CWC27: variants seen among roughly 807,000 people sequenced by gnomAD.
The protein encoded by CWC27 is spliceosome-associated protein CWC27 homolog.
CWC27 carries 47 observed loss-of-function variants against 63.6 expected under a neutral mutation model. The ratio of observed to expected loss-of-function variants is 0.74; its 90% CI spans 0.58 to 0.94. CWC27 has a LOEUF of 0.94. Ranked by LOEUF, CWC27 falls within the 40% of genes least tolerant of loss-of-function variation. CWC27 has a pLI of 0.00. For synonymous variants in CWC27, 175 were observed against 179.8 expected (o/e 0.97, Z 0.22); for missense variants, 495 against 554.3 (o/e 0.89, Z 1.07).
chr5:64,774,892 T>C, intron 2 of CWC27, 105 bp downstream of exon 2: 1 of 647,262 alleles, frequency 1.5e-6, no homozygotes, highest in Non-Finnish European at 2.7e-6. Context: ...TGGTCATGAA[T>C]GACAGGTGTT....
chr5:64,922,634 A>G (rs1433733133), intron 11 of CWC27, among the ~76,000 whole-genome samples: 2 of 152,176 alleles, frequency 1.3e-5, no homozygotes, highest in African/African-American at 2.4e-5. Flanking sequence ...AGCCATTTCA[A>G]TCTGGTTCAA....
intron 11 of CWC27, among the ~76,000 whole-genome samples, chr5:64,956,863 G>A (rs1044550822): frequency 6.6e-6 from 1 of 152,074 alleles, no homozygotes; most frequent in Non-Finnish European, 1.5e-5. Flanking sequence ...GCATGAAATA[G>A]GGATAATAAT....
intron 13 of CWC27, among the ~76,000 whole-genome samples, chr5:64,996,946 T>G (rs1431455603): frequency 6.6e-6 from 1 of 152,130 alleles, no homozygotes; most frequent in East Asian, 1.9e-4. Flanking sequence ...GTTGGTGTTG[T>G]TGTTGTTTTA....
rs746435123 is a variant in CWC27, at chr5:64,841,473, C to T, written c.938+37087C>T. 1.3e-5 allele frequency among the ~76,000 whole-genome samples: 2 copies of T among 152,284 alleles called. 1 individual carries two copies. ...AACATAGCACTGTTCTAGATTCCCT[C>T]TCTCAGTGAATATACCCTTACCCAC... is the stretch of plus-strand genomic sequence containing the variant. On this transcript the variant is annotated intron_variant, in intron 10 of 13. Transcript: ENST00000381070.
At chr5:64,871,351 A>C (rs1408193994) in intron 10 of CWC27, among the ~76,000 whole-genome samples, 2 of 152,126 alleles carry the variant, frequency 1.3e-5, no homozygotes, top group African/African-American at 2.4e-5. Context: ...ATCAGTATTG[A>C]GAGTCCAGTA....
Position 64,923,714 on chromosome 5 carries a change from G to A in CWC27, c.1042+38168G>A, listed in dbSNP as rs533735032. ...TTTACTGAGTTTTGAAAAGACTTCCGTGAGGTCACTTCTTTACAAATATTT... is the reference window on the plus strand; with the variant it reads ...TTTACTGAGTTTTGAAAAGACTTCCATGAGGTCACTTCTTTACAAATATTT... On this transcript the variant is annotated intron_variant, in intron 11 of 13. Coordinates refer to ENST00000381070, the MANE Select transcript of CWC27 (RefSeq NM_005869.4). Among the ~76,000 whole-genome samples, 4 of 150,346 alleles carry A rather than the reference G, an allele frequency of 2.7e-5. No individual in the cohort carries two copies. In the East Asian group the frequency reaches 5.9e-4, roughly 22 times the overall value.
chr5:64,855,418 G>C (rs527642940), intron 10 of CWC27, among the ~76,000 whole-genome samples: 57 of 152,214 alleles, frequency 3.7e-4, no homozygotes, highest in African/African-American at 1.3e-3. Flanking sequence ...TATAGATAAT[G>C]TTGATGTAGA....
At chr5:64,796,058 T>G (rs1208858193) in intron 7 of CWC27, among the ~76,000 whole-genome samples, 3 of 150,944 alleles carry the variant, frequency 2.0e-5, no homozygotes, top group Non-Finnish European at 4.4e-5. Flanking sequence ...TAAGCTCATT[T>G]GAGGTGTTGA....
At chr5:64,932,739 A>G (rs1446956201) in intron 11 of CWC27, among the ~76,000 whole-genome samples, 1 of 152,132 alleles carries the variant, frequency 6.6e-6, no homozygotes, top group Non-Finnish European at 1.5e-5. Context: ...CTCTGTCAGT[A>G]TTGCTATATT....
chr5:64,974,174 G>C (rs550231229), intron 12 of CWC27, among the ~76,000 whole-genome samples: 1 of 151,860 alleles, frequency 6.6e-6, no homozygotes, highest in Non-Finnish European at 1.5e-5. Context: ...GTAGGTCGAC[G>C]CTGTAGTGAG....
intron 11 of CWC27, among the ~76,000 whole-genome samples, chr5:64,891,603 C>T (rs13165196): frequency 0.29 from 44,315 of 152,052 alleles, 7,953 homozygotes; most frequent in Middle Eastern, 0.47. Context: ...CTCAAACTTT[C>T]TTCCAAGTCA....
At chr5:64,928,056 G>A (rs1319990396) in intron 11 of CWC27, among the ~76,000 whole-genome samples, 1 of 151,894 alleles carries the variant, frequency 6.6e-6, no homozygotes, top group African/African-American at 2.4e-5. Flanking sequence ...TTGGGAGGCT[G>A]AAGCAGGATA....
At chr5:64,785,973 A>T (rs1743868318) in intron 5 of CWC27, among the ~76,000 whole-genome samples, 1 of 151,846 alleles carries the variant, frequency 6.6e-6, no homozygotes, top group Non-Finnish European at 1.5e-5. Context: ...GACCATCCTG[A>T]CTAACACAGT....
intron 13 of CWC27, among the ~76,000 whole-genome samples, chr5:65,005,797 T>C (rs769161721): frequency 2.6e-5 from 4 of 152,192 alleles, no homozygotes; most frequent in Admixed American, 2.0e-4. Context: ...AAATTAAATA[T>C]TCATAAGGCT....
At chr5:64,934,206 A>G (rs1748298539) in intron 11 of CWC27, among the ~76,000 whole-genome samples, 2 of 152,174 alleles carry the variant, frequency 1.3e-5, no homozygotes, top group Admixed American at 6.5e-5. Context: ...GCACCTATCA[A>G]CCCATCGTCT....
At chr5:64,827,059 C>T (rs1003309816) in intron 10 of CWC27, among the ~76,000 whole-genome samples, 4 of 152,032 alleles carry the variant, frequency 2.6e-5, no homozygotes, top group African/African-American at 4.8e-5. Flanking sequence ...TTTAAACAAG[C>T]GCATTGAAAG....
In CWC27 at chr5:64,881,146, CA is replaced by C. The variant is rs1343246650; in HGVS notation, c.939-4294del. ...AGAGTTATGGATTCCACAGTACTAA[CA>C]AATGGTGTTGCTTGAATGGTCTCAA... On this transcript the variant is annotated intron_variant, in intron 10 of 13. Transcript: ENST00000381070. Among the ~76,000 whole-genome samples the C allele has an allele frequency of 3.3e-5, 5 of 152,000 alleles. No individual in the cohort carries two copies. The East Asian group carries it at 9.6e-4, about 29-fold the overall frequency.
intron 13 of CWC27, 75 bp downstream of exon 13, chr5:64,977,313 C>T (rs1017181397): frequency 1.4e-5 from 13 of 930,750 alleles, no homozygotes; most frequent in African/African-American, 8.4e-5. Flanking sequence ...GGCATTTCCA[C>T]TATATCATCC....
intron 11 of CWC27, among the ~76,000 whole-genome samples, chr5:64,891,978 A>G (rs773978614): frequency 1.5e-4 from 23 of 152,120 alleles, no homozygotes; most frequent in Non-Finnish European, 2.9e-4. Context: ...TATTTTTAGT[A>G]GAGACGGGGT....
Sources: allele counts gnomAD v4.1 joint callset (sites outside exome capture counted in the v4.1 genomes callset), GRCh38; gene constraint gnomAD v4.1.1; transcripts MANE v1.5; gene names NCBI Gene and HGNC (gene_info 2026-07-23, HGNC 2026-07-21).